The following MIPEP variants were observed in gnomAD, a reference collection of about 807,000 sequenced individuals.
The protein encoded by MIPEP is mitochondrial intermediate peptidase.
MIPEP carries 79 observed loss-of-function variants against 90.3 expected under a neutral mutation model. The observed-to-expected ratio is 0.87, with a 90% confidence interval of 0.73 to 1.05. The LOEUF (loss-of-function observed/expected upper bound fraction) is 1.05, where lower values mean the gene tolerates loss of function less well. Among genes scored for constraint, MIPEP ranks in the 50% least tolerant of loss-of-function variants. MIPEP has a pLI of 0.00. For missense variants in MIPEP, 940 were observed against 905.6 expected (o/e 1.04, Z -0.49); for synonymous variants, 334 against 315.8 (o/e 1.06, Z -0.61).
At position 23,778,887 on chromosome 13, in the gene MIPEP, C is replaced by T. The variant is rs191348233; in HGVS notation, c.1849-18670G>A. On this transcript the variant is annotated intron_variant, in intron 16 of 18. Transcript: ENST00000382172. ...CCTGATTCTACAACACCACACTCTA[C>T]AGTATGCCTGAATTATCCATCATAT... Among the ~76,000 whole-genome samples, 363 of 152,328 alleles carry T rather than the reference C, an allele frequency of 2.4e-3. 1 individual carries two copies. The highest frequency in any genetic ancestry group is 4.1e-3 in the Non-Finnish European group (280 of 68,030).
At chr13:23,736,334 A>T (rs1952263371) in intron 18 of MIPEP, among the ~76,000 whole-genome samples, 1 of 152,256 alleles carries the variant, frequency 6.6e-6, no homozygotes, top group Non-Finnish European at 1.5e-5. Flanking sequence ...AGCAGGTAGT[A>T]GATCTTCACC....
At chr13:23,839,202 T>C (rs1166915586) in intron 12 of MIPEP, among the ~76,000 whole-genome samples, 1 of 152,152 alleles carries the variant, frequency 6.6e-6, no homozygotes, top group African/African-American at 2.4e-5. Flanking sequence ...TTGTCGAGTA[T>C]GGAAAAGAGT....
chr13:23,759,063 TG>T (rs1193013984), intron 17 of MIPEP, among the ~76,000 whole-genome samples: 3 of 152,228 alleles, frequency 2.0e-5, no homozygotes, highest in African/African-American at 7.2e-5. Flanking sequence ...AATTTGGAGA[TG>T]TAGTTATTTG....
At chr13:23,799,322 T>C (rs1321052717) in intron 16 of MIPEP, among the ~76,000 whole-genome samples, 1 of 149,436 alleles carries the variant, frequency 6.7e-6, no homozygotes, top group Non-Finnish European at 1.5e-5. Context: ...ATTAGAGTAA[T>C]TTTTTTGTTT....
chr13:23,799,389 G>A (rs532096373), intron 16 of MIPEP, among the ~76,000 whole-genome samples: 1 of 152,074 alleles, frequency 6.6e-6, no homozygotes, highest in African/African-American at 2.4e-5. Context: ...GTGCAGTGGT[G>A]CGATGTGGGC....
chr13:23,824,835 A>C (rs1953347346), intron 14 of MIPEP, among the ~76,000 whole-genome samples: 1 of 152,212 alleles, frequency 6.6e-6, no homozygotes, highest in African/African-American at 2.4e-5. Flanking sequence ...ATGATCTAAG[A>C]TTTAAAAACC....
At chr13:23,738,169 G>GA (rs1386523220) in intron 18 of MIPEP, among the ~76,000 whole-genome samples, 1 of 152,066 alleles carries the variant, frequency 6.6e-6, no homozygotes, top group African/African-American at 2.4e-5. Flanking sequence ...CCCCAAAAAA[G>GA]AAAAAACATG....
At chr13:23,780,281 A>C (rs1242810600) in intron 16 of MIPEP, among the ~76,000 whole-genome samples, 1 of 152,206 alleles carries the variant, frequency 6.6e-6, no homozygotes, top group African/African-American at 2.4e-5. Flanking sequence ...TCAAGCAGGA[A>C]CATTTGCTGT....
intron 4 of MIPEP, among the ~76,000 whole-genome samples, chr13:23,879,031 A>G (rs1441292909): frequency 1.3e-5 from 2 of 152,174 alleles, no homozygotes; most frequent in South Asian, 4.1e-4. Context: ...GTTGGAAGGA[A>G]CGAGGGCTAT....
chr13:23,879,144 A>G, intron 4 of MIPEP, 124 bp downstream of exon 4: 2 of 687,814 alleles, frequency 2.9e-6, no homozygotes, highest in South Asian at 3.6e-5. Context: ...CAGGAGTCAT[A>G]GAGATACCTG....
intron 18 of MIPEP, among the ~76,000 whole-genome samples, chr13:23,742,892 G>T (rs9510838): frequency 0.14 from 20,979 of 152,240 alleles, 1,776 homozygotes; most frequent in South Asian, 0.23. Flanking sequence ...CCACAGCATT[G>T]TAAGTGTAGG....
At chr13:23,819,706 T>TAA (rs370637778) in intron 14 of MIPEP, among the ~76,000 whole-genome samples, 1 of 147,200 alleles carries the variant, frequency 6.8e-6, no homozygotes, top group Non-Finnish European at 1.5e-5. Flanking sequence ...CACTTTTTAT[T>TAA]AAAAAAAAAA....
intron 7 of MIPEP, among the ~76,000 whole-genome samples, chr13:23,867,290 G>C (rs539527402): frequency 6.6e-6 from 1 of 152,184 alleles, no homozygotes; most frequent in African/African-American, 2.4e-5. Flanking sequence ...CTCAAACGTG[G>C]CAGGCATTTT....
At chr13:23,782,756 A>C (rs980783121) in intron 16 of MIPEP, among the ~76,000 whole-genome samples, 1 of 152,232 alleles carries the variant, frequency 6.6e-6, no homozygotes, top group African/African-American at 2.4e-5. Flanking sequence ...AGACGCAATA[A>C]AAAATGATAA....
At chr13:23,741,015 G>A (rs1340872739) in intron 18 of MIPEP, among the ~76,000 whole-genome samples, 3 of 152,206 alleles carry the variant, frequency 2.0e-5, no homozygotes, top group South Asian at 2.1e-4. Flanking sequence ...GGATGGACTC[G>A]TAACACCAAT....
chr13:23,760,260 TC>T (rs1952527864), intron 16 of MIPEP, 43 bp from the exon 17 acceptor site: 1 of 1,613,214 alleles, frequency 6.2e-7, no homozygotes, highest in South Asian at 1.1e-5. Context: ...CAAGTCAGTT[TC>T]CACTTGGAGA....
At chr13:23,807,029 C>A (rs1953119338) in intron 15 of MIPEP, among the ~76,000 whole-genome samples, 1 of 152,040 alleles carries the variant, frequency 6.6e-6, no homozygotes, top group Non-Finnish European at 1.5e-5. Context: ...GACTCCCACA[C>A]CTGGTGTCAG....
At chr13:23,865,820 G>A (rs1266516773) in intron 7 of MIPEP, among the ~76,000 whole-genome samples, 3 of 151,730 alleles carry the variant, frequency 2.0e-5, no homozygotes, top group Non-Finnish European at 2.9e-5. Context: ...ACAGGCACCC[G>A]CCACCGCGCC....
chr13:23,864,127 G>A lies in MIPEP; in HGVS notation c.992+14C>T, dbSNP rs1487488875. ...CATATAACCAAAAAACTAAATAGTA[G>A]AATAAAAACTAACCTTTCAGAAAGT... On this transcript the variant is annotated intron_variant, in intron 8 of 18. Transcript: ENST00000382172. The A allele has an allele frequency of 6.8e-7, 1 of 1,460,320 alleles. No individual in the cohort carries two copies. Among genetic ancestry groups the A allele is most frequent in the South Asian group, 1.3e-5 (1 of 79,650 alleles). 90.5% of individuals were successfully genotyped at this position (1,460,320 alleles called of 1,614,324 possible). A position where few individuals can be genotyped will look rare whatever the true frequency, so the allele number is the denominator to read the frequency against.
Sources: allele counts gnomAD v4.1 joint callset (sites outside exome capture counted in the v4.1 genomes callset), GRCh38; gene constraint gnomAD v4.1.1; transcripts MANE v1.5; gene names NCBI Gene and HGNC (gene_info 2026-07-23, HGNC 2026-07-21).